The following SH3RF3 variants were observed in gnomAD, a reference collection of about 807,000 sequenced individuals.
SH3RF3 encodes SH3 domain containing ring finger 3, also known as E3 ubiquitin-protein ligase SH3RF3.
In SH3RF3, 29 loss-of-function variants were observed where a neutral mutation model predicts 66.3. The observed-to-expected ratio is 0.44, with a 90% confidence interval of 0.33 to 0.60. SH3RF3 has a LOEUF of 0.60. SH3RF3 is among the 20% of genes least tolerant of loss of function. The pLI, the probability that SH3RF3 is intolerant of heterozygous loss-of-function variation, is 0.04. For missense variants in SH3RF3, 1,194 were observed against 1,190.9 expected (o/e 1.00, Z -0.04); for synonymous variants, 583 against 532.0 (o/e 1.10, Z -1.32).
At chr2:109,210,009 T>A (rs962678608) in intron 1 of SH3RF3, among the ~76,000 whole-genome samples, 2 of 152,234 alleles carry the variant, frequency 1.3e-5, no homozygotes, top group African/African-American at 2.4e-5. Context: ...CTGTTATACT[T>A]TCTGTCTCTG....
chr2:109,365,265 A>G (rs954562836), intron 2 of SH3RF3, among the ~76,000 whole-genome samples: 5 of 152,172 alleles, frequency 3.3e-5, no homozygotes, highest in Admixed American at 1.3e-4. Context: ...ACAATTCACA[A>G]AGGTGTGGGC....
intron 1 of SH3RF3, among the ~76,000 whole-genome samples, chr2:109,275,052 G>A (rs1346587477): frequency 5.9e-5 from 9 of 152,044 alleles, no homozygotes; most frequent in Non-Finnish European, 1.3e-4. Context: ...ATGTAAAATT[G>A]TCCCCTTAGA....
intron 2 of SH3RF3, among the ~76,000 whole-genome samples, chr2:109,362,702 A>G (rs1360158338): frequency 6.6e-6 from 1 of 152,140 alleles, no homozygotes; most frequent in Non-Finnish European, 1.5e-5. Context: ...TACTGGATTC[A>G]TCTACTTCTC....
intron 1 of SH3RF3, among the ~76,000 whole-genome samples, chr2:109,274,114 G>A (rs915825300): frequency 6.6e-6 from 1 of 152,174 alleles, no homozygotes; most frequent in Middle Eastern, 3.2e-3. Context: ...ATCATTTGTG[G>A]TAGTATGTCA....
chr2:109,416,565 A>G (rs1676729593), intron 4 of SH3RF3, among the ~76,000 whole-genome samples: 1 of 151,832 alleles, frequency 6.6e-6, no homozygotes, highest in South Asian at 2.1e-4. Context: ...TTGTATTTTT[A>G]GTAGAGACGG....
chr2:109,493,284 G>A (rs1472824994), intron 9 of SH3RF3, among the ~76,000 whole-genome samples: 1 of 123,696 alleles, frequency 8.1e-6, no homozygotes, highest in East Asian at 3.2e-4. Context: ...GTACACCATA[G>A]AAACACACAC....
chr2:109,379,422 C>T (rs3924034), intron 3 of SH3RF3, among the ~76,000 whole-genome samples: 50,469 of 151,948 alleles, frequency 0.33, 8,608 homozygotes, highest in Non-Finnish European at 0.37. Context: ...ACTCTCCAGG[C>T]GAGCCCCTCG....
At chr2:109,491,469 C>A (rs1360750465) in intron 9 of SH3RF3, among the ~76,000 whole-genome samples, 2 of 152,188 alleles carry the variant, frequency 1.3e-5, no homozygotes, top group Non-Finnish European at 2.9e-5. Context: ...TTTGAAATTG[C>A]CCATATTCAT....
chr2:109,450,325 A>G (rs1313483761), intron 8 of SH3RF3, among the ~76,000 whole-genome samples: 2 of 151,462 alleles, frequency 1.3e-5, no homozygotes, highest in Non-Finnish European at 2.9e-5. Context: ...CAGCCTGGGC[A>G]ACAGAGCAAG....
chr2:109,320,715 G>A (rs4676272), intron 1 of SH3RF3, among the ~76,000 whole-genome samples: 36,759 of 152,130 alleles, frequency 0.24, 5,494 homozygotes, highest in East Asian at 0.66. Context: ...TATCAGCCCC[G>A]CAGATGAACA....
chr2:109,267,849 G>C (rs1380141856), intron 1 of SH3RF3, among the ~76,000 whole-genome samples: 2 of 152,222 alleles, frequency 1.3e-5, no homozygotes, highest in Non-Finnish European at 2.9e-5. Flanking sequence ...CCAGGCTCCT[G>C]CTGGACAGAG....
At chr2:109,324,544 C>T (rs1261744622) in intron 1 of SH3RF3, among the ~76,000 whole-genome samples, 1 of 152,176 alleles carries the variant, frequency 6.6e-6, no homozygotes, top group Admixed American at 6.5e-5. Flanking sequence ...ATGAAAGTTA[C>T]AACTGTCATC....
intron 1 of SH3RF3, among the ~76,000 whole-genome samples, chr2:109,178,491 A>T (rs1380034023): frequency 6.6e-6 from 1 of 152,208 alleles, no homozygotes; most frequent in African/African-American, 2.4e-5. Context: ...GATAGTTTAT[A>T]TTCTCTAACT....
intron 1 of SH3RF3, among the ~76,000 whole-genome samples, chr2:109,274,989 A>G (rs1680720295): frequency 1.3e-5 from 2 of 152,208 alleles, no homozygotes; most frequent in Admixed American, 1.3e-4. Context: ...TTGCATCAAT[A>G]AAAGAGCTAG....
At chr2:109,467,282 T>C (rs1678378798) in intron 8 of SH3RF3, among the ~76,000 whole-genome samples, 1 of 152,178 alleles carries the variant, frequency 6.6e-6, no homozygotes, top group African/African-American at 2.4e-5. Context: ...GGCTCAACCC[T>C]GCAAAGGGGC....
In SH3RF3 at chr2:109,267,956, C is replaced by A. The variant is rs369636422; in HGVS notation, c.574-79718C>A. ...GACAGGATGGGAGAGGACAGAGCAC[C>A]CCAGCTCTCAGCCCTGCTGCAGTTG... On this transcript the variant is annotated intron_variant, in intron 1 of 9. Coordinates refer to ENST00000309415, the MANE Select transcript of SH3RF3 (RefSeq NM_001099289.3). Among the ~76,000 whole-genome samples the A allele has an allele frequency of 2.0e-5, 3 of 152,018 alleles. No homozygotes were observed. In the East Asian group the frequency reaches 6.0e-4, roughly 30 times the overall value.
At chr2:109,471,551 CAG>C (rs1424731347) in intron 8 of SH3RF3, among the ~76,000 whole-genome samples, 2 of 152,158 alleles carry the variant, frequency 1.3e-5, no homozygotes, top group Non-Finnish European at 1.5e-5. Context: ...AGTGGGGACA[CAG>C]AGCCAAACCA....
At chr2:109,135,568 G>T (rs1474354609) in intron 1 of SH3RF3, among the ~76,000 whole-genome samples, 1 of 152,192 alleles carries the variant, frequency 6.6e-6, no homozygotes, top group Non-Finnish European at 1.5e-5. Context: ...CACGCGTGAG[G>T]CACACCTCAG....
chr2:109,263,928 C>T (rs1050932117), intron 1 of SH3RF3, among the ~76,000 whole-genome samples: 10 of 152,338 alleles, frequency 6.6e-5, no homozygotes, highest in African/African-American at 2.4e-4. Context: ...AAGATCGTGC[C>T]ACTGCACTCC....
Sources: gnomAD v4.1 joint callset for allele counts (sites outside exome capture counted in the v4.1 genomes callset) on GRCh38, gnomAD v4.1.1 for gene constraint, MANE v1.5 for transcripts, NCBI Gene and HGNC (gene_info 2026-07-23, HGNC 2026-07-21) for gene names.